Variants in ARFIP1 observed in about 807,000 individuals in gnomAD.
ARFIP1 encodes the protein ARF interacting protein 1, also known as arfaptin-1.
Under a neutral mutation model 42.5 loss-of-function variants are expected in ARFIP1, and 24 were observed. The ratio of observed to expected loss-of-function variants is 0.57; its 90% CI spans 0.41 to 0.80. The LOEUF is 0.80. Among genes scored for constraint, ARFIP1 ranks in the 30% least tolerant of loss-of-function variants. The probability of loss-of-function intolerance (pLI) is 0.00; values close to 1 mark genes in which losing one functional copy is unlikely to be tolerated. For missense variants in ARFIP1, 354 were observed against 434.0 expected, an observed-to-expected ratio of 0.82 and a Z score of 1.64; for synonymous variants, 141 against 153.7, an observed-to-expected ratio of 0.92 and a Z score of 0.61.
chr4:152,843,952 A>C (rs1732325726), intron 2 of ARFIP1, among the ~76,000 whole-genome samples: 1 of 152,082 alleles, frequency 6.6e-6, no homozygotes, highest in African/African-American at 2.4e-5. Context: ...CCACCGTTCA[A>C]ATTGTTACAA....
intron 3 of ARFIP1, among the ~76,000 whole-genome samples, chr4:152,869,687 C>G (rs113614404): frequency 2.0e-4 from 30 of 152,210 alleles, no homozygotes; most frequent in African/African-American, 7.0e-4. Flanking sequence ...CCTCTGCCTC[C>G]CAAAGTGCTG....
rs77083356 is a variant in ARFIP1 at position 152,787,886 on chromosome 4, C to T, written c.-10+7660C>T. Among the ~76,000 whole-genome samples the T allele has an allele frequency of 1.5e-3, 229 of 152,292 alleles. 5 individuals carry two copies. In the East Asian group the frequency reaches 0.035, roughly 24 times the overall value. On this transcript the variant is annotated intron_variant, in intron 1 of 8. Transcript: ENST00000353617. ...AACATTTTGGAAAAGGGATAATCAACCTGTAATTAAATTTTCAGTTTGACT... is the reference window on the plus strand; with the variant it reads ...AACATTTTGGAAAAGGGATAATCAATCTGTAATTAAATTTTCAGTTTGACT...
At chr4:152,859,113 A>G (rs954520791) in intron 2 of ARFIP1, among the ~76,000 whole-genome samples, 1 of 152,094 alleles carries the variant, frequency 6.6e-6, no homozygotes, top group African/African-American at 2.4e-5. Flanking sequence ...CCCAGTCTAC[A>G]GGGCAGTCGC....
chr4:152,889,593 AAAT>A (rs1210291582), intron 8 of ARFIP1, among the ~76,000 whole-genome samples: 5 of 120,778 alleles, frequency 4.1e-5, no homozygotes, highest in Admixed American at 1.8e-4. Context: ...ATATACACAT[AAAT>A]ATATATATAC....
At chr4:152,803,602 A>G (rs1041693289) in intron 1 of ARFIP1, among the ~76,000 whole-genome samples, 2 of 152,128 alleles carry the variant, frequency 1.3e-5, no homozygotes, top group African/African-American at 2.4e-5. Flanking sequence ...GTCATGATCA[A>G]TGATAACATG....
At chr4:152,890,300 G>A (rs1736735295) in intron 8 of ARFIP1, among the ~76,000 whole-genome samples, 2 of 151,996 alleles carry the variant, frequency 1.3e-5, no homozygotes, top group Non-Finnish European at 2.9e-5. Context: ...AGACACTTTC[G>A]TTTACAGAGG....
At chr4:152,842,385 A>G (rs527637320) in intron 2 of ARFIP1, among the ~76,000 whole-genome samples, 26 of 151,852 alleles carry the variant, frequency 1.7e-4, no homozygotes, top group Non-Finnish European at 2.1e-4. Flanking sequence ...ACCCGATGAC[A>G]TTGTGCCTAG....
At chr4:152,851,663 T>A (rs1732994742) in intron 2 of ARFIP1, among the ~76,000 whole-genome samples, 1 of 152,196 alleles carries the variant, frequency 6.6e-6, no homozygotes, top group African/African-American at 2.4e-5. Context: ...AAGAATTGAT[T>A]GCGGGACTGA....
chr4:152,909,401 C>G (rs1420457256), intron 8 of ARFIP1, among the ~76,000 whole-genome samples: 1 of 151,974 alleles, frequency 6.6e-6, no homozygotes, highest in East Asian at 1.9e-4. Flanking sequence ...CAAAACAAAA[C>G]AAAAGAAAAA....
intron 8 of ARFIP1, among the ~76,000 whole-genome samples, chr4:152,903,146 C>T (rs1291907281): frequency 6.6e-6 from 1 of 152,112 alleles, no homozygotes; most frequent in African/African-American, 2.4e-5. Flanking sequence ...GGACATTATA[C>T]ACATGCATAT....
At chr4:152,855,049 G>A (rs1733309574) in intron 2 of ARFIP1, among the ~76,000 whole-genome samples, 1 of 152,178 alleles carries the variant, frequency 6.6e-6, no homozygotes, top group African/African-American at 2.4e-5. Context: ...AGTAGCAGAC[G>A]ACCCTTTGGG....
chr4:152,784,823 C>T (rs1417886237), intron 1 of ARFIP1, among the ~76,000 whole-genome samples: 1 of 152,226 alleles, frequency 6.6e-6, no homozygotes, highest in Non-Finnish European at 1.5e-5. Flanking sequence ...CATGTTCTCA[C>T]CTAAGATAAG....
intron 2 of ARFIP1, among the ~76,000 whole-genome samples, chr4:152,830,958 A>C (rs1334213898): frequency 6.6e-6 from 1 of 152,190 alleles, no homozygotes; most frequent in African/African-American, 2.4e-5. Context: ...CTCGAGGTTT[A>C]TTTTAATGGC....
intron 1 of ARFIP1, among the ~76,000 whole-genome samples, chr4:152,780,875 TTTA>T (rs1209576712): frequency 6.6e-6 from 1 of 152,236 alleles, no homozygotes; most frequent in Non-Finnish European, 1.5e-5. Flanking sequence ...TCCCTTTTAC[TTTA>T]TTTTGTTATT....
chr4:152,900,110 TGGAAGGAA>T (rs1011235617), intron 8 of ARFIP1, among the ~76,000 whole-genome samples: 5 of 150,488 alleles, frequency 3.3e-5, no homozygotes, highest in African/African-American at 4.9e-5. Context: ...TTGGAGCTCT[TGGAAGGAA>T]GGAAGGAAGG....
intron 1 of ARFIP1, among the ~76,000 whole-genome samples, chr4:152,824,400 A>G (rs1420720382): frequency 6.6e-6 from 1 of 152,224 alleles, no homozygotes; most frequent in Non-Finnish European, 1.5e-5. Context: ...ATGCAAGTCA[A>G]TAAATGTGAT....
At position 152,869,463 on chromosome 4, in the gene ARFIP1, T is replaced by TA. The variant is rs1397746358; in HGVS notation, c.203-1288dup. ...TTCTTTCTTTCTTTCTTTTTTTTTT[T>TA]AATTGAGACAGAGTCTGGCTTTGTC... On this transcript the variant is annotated intron_variant, in intron 3 of 8. Coordinates refer to ENST00000353617, the MANE Select transcript of ARFIP1 (RefSeq NM_001025595.3). Among the ~76,000 whole-genome samples the TA allele has an allele frequency of 4.6e-5, 7 of 151,972 alleles. No individual in the cohort carries two copies. The East Asian group carries it at 7.7e-4, about 17-fold the overall frequency.
At position 152,888,208 on chromosome 4, in the gene ARFIP1, G is replaced by T. The variant is rs1475231044; in HGVS notation, c.867G>T (p.Lys289Asn). ...CACGTGACGCAAACACTCTGCCAAA[G>T]ATTGAGCAGTCACAGCATCTCTTCC... ...LGPRDANTLP[K>N]IEQSQHLFQA... Residue 289 changes from lysine (K) to asparagine (N), a missense_variant, in exon 8 of 9, where the codon AAG becomes AAT. Transcript: ENST00000353617. The T allele has an allele frequency of 1.2e-6, 2 of 1,612,104 alleles. No homozygotes were observed. The highest frequency in any genetic ancestry group is 2.7e-5 in the African/African-American group (2 of 74,842).
chr4:152,828,969 T>A (rs1731053782), intron 1 of ARFIP1, among the ~76,000 whole-genome samples: 1 of 152,228 alleles, frequency 6.6e-6, no homozygotes, highest in Non-Finnish European at 1.5e-5. Flanking sequence ...AGCACCATTG[T>A]GGAAAATACA....
Sources: gnomAD v4.1 joint callset for allele counts (sites outside exome capture counted in the v4.1 genomes callset) on GRCh38, gnomAD v4.1.1 for gene constraint, MANE v1.5 for transcripts, NCBI Gene and HGNC (gene_info 2026-07-23, HGNC 2026-07-21) for gene names.